BICD2: variants seen among roughly 807,000 people sequenced by gnomAD.
The protein encoded by BICD2 is BICD cargo adaptor 2, also known as protein bicaudal D homolog 2.
A neutral mutation model predicts 72.9 loss-of-function variants in BICD2; 25 were observed. The ratio of observed to expected loss-of-function variants is 0.34; its 90% confidence interval spans 0.25 to 0.48. The LOEUF (loss-of-function observed/expected upper bound fraction) is 0.48, where lower values mean the gene tolerates loss of function less well. Among genes scored for constraint, BICD2 ranks in the 20% least tolerant of loss-of-function variants. BICD2 has a pLI of 0.99. For synonymous variants in BICD2, 501 were observed against 516.1 expected (o/e 0.97, Z 0.40); for missense variants, 894 against 1,175.2 (o/e 0.76, Z 3.50).
At chr9:92,741,278 G>A (rs895523815) in intron 1 of BICD2, among the ~76,000 whole-genome samples, 35 of 152,292 alleles carry the variant, frequency 2.3e-4, no homozygotes, top group African/African-American at 7.5e-4. Context: ...CAAAATCTCA[G>A]CAAACAGAAG....
At chr9:92,722,613 G>GT in intron 3 of BICD2, 43 bp downstream of exon 3, 2 of 1,612,390 alleles carry the variant, frequency 1.2e-6, no homozygotes, top group Non-Finnish European at 1.7e-6. Context: ...TCAAGGCCCA[G>GT]TTAACCCACG....
chr9:92,715,545 C>T lies in BICD2; in HGVS notation c.2259-82G>A, dbSNP rs1034961427. On this transcript the variant is annotated intron_variant, in intron 6 of 6. Transcript: ENST00000356884. ...GGCAGGGCAGGGCTAAGCTGCACGGCCCTCTGACAGCCCTATACCAGAGCC... is the reference window on the plus strand; with the variant it reads ...GGCAGGGCAGGGCTAAGCTGCACGGTCCTCTGACAGCCCTATACCAGAGCC... 1.5e-5 allele frequency: 21 copies of T among 1,376,020 alleles called. No homozygotes were observed. The African/African-American group carries it at 2.2e-4, about 14-fold the overall frequency. 85.2% of individuals were successfully genotyped at this position (1,376,020 alleles called of 1,614,324 possible). A position where few individuals can be genotyped will look rare whatever the true frequency, so the allele number is the denominator to read the frequency against.
At chr9:92,756,260 CT>C (rs377608753) in intron 1 of BICD2, among the ~76,000 whole-genome samples, 40,977 of 144,520 alleles carry the variant, frequency 0.28, 6,457 homozygotes, top group East Asian at 0.76. Flanking sequence ...ACCCTGGCTA[CT>C]TTTTTTTTTT....
chr9:92,736,443 G>T (rs970334543), intron 1 of BICD2, among the ~76,000 whole-genome samples: 4 of 152,254 alleles, frequency 2.6e-5, no homozygotes, highest in Middle Eastern at 3.4e-3. Flanking sequence ...TACCTACATG[G>T]TCTAAAAAAT....
intron 1 of BICD2, among the ~76,000 whole-genome samples, chr9:92,749,184 TG>T (rs957386762): frequency 6.6e-6 from 1 of 151,200 alleles, no homozygotes; most frequent in African/African-American, 2.4e-5. Flanking sequence ...GAAAAGAGGG[TG>T]GGGCCTCCTG....
rs374512953 is a variant in BICD2, at chr9:92,719,627, C to A, written c.1063-45G>T. ...AGGACACCATGTCAGTTGCTATGGACCCCGAGAGCTTGGAGGACCCCCAAG... is the reference window on the plus strand; with the variant it reads ...AGGACACCATGTCAGTTGCTATGGAACCCGAGAGCTTGGAGGACCCCCAAG... On this transcript the variant is annotated intron_variant, in intron 4 of 6. Transcript: ENST00000356884. 4.9e-5 allele frequency: 74 copies of A among 1,513,158 alleles called. No homozygotes were observed. The African/African-American group carries it at 9.3e-4, about 19-fold the overall frequency. 93.7% of individuals were successfully genotyped at this position (1,513,158 alleles called of 1,614,324 possible). A position where few individuals can be genotyped will look rare whatever the true frequency, so the allele number is the denominator to read the frequency against.
intron 1 of BICD2, among the ~76,000 whole-genome samples, chr9:92,756,721 G>A (rs1854265702): frequency 6.6e-6 from 1 of 151,674 alleles, no homozygotes; most frequent in Admixed American, 6.6e-5. Flanking sequence ...ACAAAAGTTA[G>A]CCAGACGTGG....
intron 1 of BICD2, among the ~76,000 whole-genome samples, chr9:92,753,792 T>C (rs1020277355): frequency 6.6e-6 from 1 of 151,472 alleles, no homozygotes; most frequent in Non-Finnish European, 1.5e-5. Context: ...GCCTGCCTCG[T>C]CCTCCCAAAG....
At chr9:92,749,578 C>T (rs933037164) in intron 1 of BICD2, among the ~76,000 whole-genome samples, 1 of 152,236 alleles carries the variant, frequency 6.6e-6, no homozygotes, top group Non-Finnish European at 1.5e-5. Flanking sequence ...TGGGCAACGT[C>T]CAAATGCTAA....
intron 1 of BICD2, among the ~76,000 whole-genome samples, chr9:92,759,090 T>C (rs1371714809): frequency 2.0e-5 from 3 of 152,134 alleles, no homozygotes; most frequent in Non-Finnish European, 2.9e-5. Flanking sequence ...AACACAACAG[T>C]ATAAGTTAGA....
At chr9:92,750,020 A>G (rs1247200671) in intron 1 of BICD2, among the ~76,000 whole-genome samples, 2 of 152,230 alleles carry the variant, frequency 1.3e-5, no homozygotes, top group Admixed American at 1.3e-4. Flanking sequence ...ACTTCATCTC[A>G]AACCCTCATC....
At position 92,714,069 on chromosome 9, in the gene BICD2, T is replaced by C. The variant is rs1853249338; in HGVS notation, c.*1085A>G. The C allele has an allele frequency of 1.0e-6, 1 of 985,826 alleles. No homozygotes were observed. The highest frequency in any genetic ancestry group is 4.7e-5 in the South Asian group (1 of 21,320). 61.1% of individuals were successfully genotyped at this position (985,826 alleles called of 1,614,324 possible). On this transcript the variant is annotated 3_prime_UTR_variant, in exon 7 of 7. Coordinates refer to ENST00000356884, the MANE Select transcript of BICD2 (RefSeq NM_001003800.2). ...AATGGGAGAACCCTACAGCTACCTT[T>C]CCTCTTTCTCTGTTGCCATCCCCCA...
rs776027761 is a variant in BICD2, at chr9:92,720,650, G to A, written c.712C>T (p.Arg238Trp). 12 of 1,613,988 alleles carry A rather than the reference G, an allele frequency of 7.4e-6. No homozygotes were observed. The East Asian group carries it at 1.8e-4, about 24-fold the overall frequency. ...DAIRLKEISE[R>W]QLEEALETLK... ...GTCTCCAGCGCCTCCTCCAGCTGCC[G>A]CTCTGAGATCTCCTTGAGGCGGATG... is the stretch of plus-strand genomic sequence containing the variant. The change falls in exon 4 of 7, where the codon CGG becomes TGG. Residue 238 changes from arginine to tryptophan, a missense_variant. Physicochemically the swap from Arg to Trp is moderately radical, Grantham distance 101. This residue lies in a region of BICD2 where 371 missense variants were observed against 439.1 expected (regional missense o/e 0.84). Coordinates refer to ENST00000356884, the MANE Select transcript of BICD2 (RefSeq NM_001003800.2). The surrounding 1 kb of genome is among the most constrained non-coding windows in gnomAD (Gnocchi z 5.4).
chr9:92,739,070 C>A (rs1268945432), intron 1 of BICD2, among the ~76,000 whole-genome samples: 2 of 152,190 alleles, frequency 1.3e-5, no homozygotes, highest in African/African-American at 4.8e-5. Flanking sequence ...CGGTTGGGCC[C>A]TCCCACCACC....
In BICD2 at chr9:92,764,655, G is replaced by C. The variant is rs1417077198; in HGVS notation, c.90C>G (p.Ser30=). 3.1e-6 allele frequency: 5 copies of C among 1,592,066 alleles called. No homozygotes were observed. Among genetic ancestry groups the C allele is most frequent in the Non-Finnish European group, 3.4e-6 (4 of 1,171,792 alleles). ...CACGCGTGGTCTCGGCCAGCTCGTG[G>C]GACAGCCGCTTCACCTCGGCGCGCA... ...EWLRAEVKRL[S]HELAETTREK... Residue 30 remains serine, a synonymous_variant, in exon 1 of 7, where the codon TCC becomes TCG. Transcript: ENST00000356884. The surrounding 1 kb of genome is among the most constrained non-coding windows in gnomAD (Gnocchi z 5.5).
chr9:92,753,699 C>T (rs1049874597), intron 1 of BICD2, among the ~76,000 whole-genome samples: 10 of 151,810 alleles, frequency 6.6e-5, no homozygotes, highest in Non-Finnish European at 1.3e-4. Context: ...CCACCAAGGC[C>T]GGCTAATTTT....
rs182334171 is a variant in BICD2 at position 92,731,197 on chromosome 9, A to T, written c.241-1961T>A. Among the ~76,000 whole-genome samples, 4 of 152,352 alleles carry T rather than the reference A, an allele frequency of 2.6e-5. No homozygotes were observed. The East Asian group carries it at 7.7e-4, about 29-fold the overall frequency. On this transcript the variant is annotated intron_variant, in intron 1 of 6. Transcript: ENST00000356884. ...CAGGAGGGACCCAAATGAAGGGTCC[A>T]GCACACATGGCTGCTCAGAACACAC...
chr9:92,742,077 AAGAC>A (rs1472307249), intron 1 of BICD2, among the ~76,000 whole-genome samples: 1 of 152,224 alleles, frequency 6.6e-6, no homozygotes, highest in Non-Finnish European at 1.5e-5. Flanking sequence ...ACTAATGAGA[AAGAC>A]AGAATGTAAG....
At chr9:92,761,768 AGAG>A (rs907409927) in intron 1 of BICD2, among the ~76,000 whole-genome samples, 20 of 152,320 alleles carry the variant, frequency 1.3e-4, no homozygotes, top group African/African-American at 4.3e-4. Flanking sequence ...CATTCCAGGG[AGAG>A]GAAGGGAAAG....
Sources: allele counts gnomAD v4.1 joint callset (sites outside exome capture counted in the v4.1 genomes callset), GRCh38; gene constraint gnomAD v4.1.1; regional missense constraint gnomAD v4.1.1; non-coding constraint Gnocchi (gnomAD v3.1); transcripts MANE v1.5; gene names NCBI Gene and HGNC (gene_info 2026-07-23, HGNC 2026-07-21).